The following TANC2 variants were observed in gnomAD, a reference collection of about 807,000 sequenced individuals.
The protein encoded by TANC2 is protein TANC2.
Under a neutral mutation model 210.5 loss-of-function variants are expected in TANC2, and 26 were observed. That is an observed-to-expected ratio of 0.12 (90% CI 0.09 to 0.17). TANC2 has a LOEUF of 0.17. Ranked by LOEUF, TANC2 falls within the 10% of genes least tolerant of loss-of-function variation. The probability of loss-of-function intolerance (pLI) is 1.00; values close to 1 mark genes in which losing one functional copy is unlikely to be tolerated. For missense variants in TANC2, 2,129 were observed against 2,608.9 expected (o/e 0.82, Z 4.01); for synonymous variants, 931 against 967.1 (o/e 0.96, Z 0.69).
intron 4 of TANC2, among the ~76,000 whole-genome samples, chr17:63,099,624 GT>G: frequency 6.6e-6 from 1 of 152,058 alleles, no homozygotes; most frequent in East Asian, 1.9e-4. Context: ...GAAGTTCCTG[GT>G]TTTGCCAGAA....
At position 63,412,585 on chromosome 17, in the gene TANC2, C is replaced by T; in HGVS notation, c.3899-95C>T. 1 of 1,209,506 alleles carries T rather than the reference C, an allele frequency of 8.3e-7. No individual in the cohort carries two copies. The highest frequency in any genetic ancestry group is 1.3e-5 in the South Asian group (1 of 75,440). 74.9% of individuals were successfully genotyped at this position (1,209,506 alleles called of 1,614,324 possible). A position where few individuals can be genotyped will look rare whatever the true frequency, so the allele number is the denominator to read the frequency against. On this transcript the variant is annotated intron_variant, in intron 23 of 27. Coordinates refer to ENST00000689528, the Ensembl canonical transcript of TANC2. The surrounding 1 kb of genome is among the most constrained non-coding windows in gnomAD (Gnocchi z 4.2). Reference sequence around the variant, plus strand: ...GATATGCTGGCTTTGTGCTGCCTGCCTCTCACTGCTGCTTTTTCCTTCTTT... The same window carrying T: ...GATATGCTGGCTTTGTGCTGCCTGCTTCTCACTGCTGCTTTTTCCTTCTTT...
chr17:63,063,989 A>G (rs973679039), intron 2 of TANC2, among the ~76,000 whole-genome samples: 1 of 152,236 alleles, frequency 6.6e-6, no homozygotes, highest in African/African-American at 2.4e-5. Flanking sequence ...TGAGTATGTA[A>G]TCTTCAATAT....
intron 1 of TANC2, among the ~76,000 whole-genome samples, chr17:62,981,491 CTTCT>C (rs771356107): frequency 1.2e-3 from 177 of 152,176 alleles, no homozygotes; most frequent in Admixed American, 1.7e-3. Flanking sequence ...CATTATTCTC[CTTCT>C]TTCTTCCCTG....
chr17:63,272,673 AC>A (rs1464718216), intron 9 of TANC2, among the ~76,000 whole-genome samples: 1 of 152,076 alleles, frequency 6.6e-6, no homozygotes, highest in Non-Finnish European at 1.5e-5. Flanking sequence ...TAATTCACCT[AC>A]CTGGTTAACT....
At chr17:63,105,186 A>AGG (rs1881057548) in intron 4 of TANC2, among the ~76,000 whole-genome samples, 2 of 151,804 alleles carry the variant, frequency 1.3e-5, no homozygotes, top group Admixed American at 1.3e-4. Context: ...CAAATAGATT[A>AGG]TTATCTAATC....
intron 2 of TANC2, among the ~76,000 whole-genome samples, chr17:63,062,702 A>G (rs146744535): frequency 1.3e-5 from 2 of 152,154 alleles, no homozygotes; most frequent in East Asian, 3.9e-4. Flanking sequence ...TTTCAGGTCT[A>G]TAGCTGTTTT....
exon 28 of TANC2, chr17:63,424,796 T>C (rs1241520331): frequency 2.6e-5 from 4 of 152,142 alleles, no homozygotes; most frequent in African/African-American, 4.8e-5. Context: ...CTCTTGTCTT[T>C]TAGTGTATTT....
At chr17:63,271,429 T>C (rs2043699998) in intron 9 of TANC2, among the ~76,000 whole-genome samples, 1 of 117,274 alleles carries the variant, frequency 8.5e-6, no homozygotes, top group East Asian at 2.0e-4. Context: ...GACACTGAGC[T>C]CTTTTTCTTT....
At chr17:63,289,946 C>T (rs1191414270) in intron 9 of TANC2, among the ~76,000 whole-genome samples, 1 of 152,010 alleles carries the variant, frequency 6.6e-6, no homozygotes, top group African/African-American at 2.4e-5. Context: ...TTTTCCTTCC[C>T]CCCCTTCAGT....
chr17:62,990,224 C>T (rs1204747749), intron 1 of TANC2, among the ~76,000 whole-genome samples: 1 of 152,006 alleles, frequency 6.6e-6, no homozygotes, highest in Non-Finnish European at 1.5e-5. Context: ...TTTGGTTATC[C>T]AGATGATAGA....
chr17:63,403,293 A>G (rs1040314692), intron 19 of TANC2, among the ~76,000 whole-genome samples: 17 of 152,232 alleles, frequency 1.1e-4, no homozygotes, highest in African/African-American at 3.9e-4. Context: ...CCTCACATAC[A>G]GAGGTTTGCT....
chr17:63,400,642 T>A (rs572530953), intron 19 of TANC2, among the ~76,000 whole-genome samples: 1 of 149,504 alleles, frequency 6.7e-6, no homozygotes, highest in African/African-American at 2.5e-5. Flanking sequence ...TGTAATATGA[T>A]TTTTTTTTTC....
intron 1 of TANC2, among the ~76,000 whole-genome samples, chr17:62,974,627 T>C (rs531945370): frequency 6.6e-6 from 1 of 152,344 alleles, no homozygotes; most frequent in South Asian, 2.1e-4. Context: ...AAATTTCATA[T>C]TCTTCCTTAA....
chr17:63,354,406 T>C (rs1487087151), intron 13 of TANC2, among the ~76,000 whole-genome samples: 1 of 152,216 alleles, frequency 6.6e-6, no homozygotes. Context: ...TTTGAATCTT[T>C]GTACATTTCT....
chr17:63,175,705 A>T (rs1045312092), intron 5 of TANC2, among the ~76,000 whole-genome samples: 1 of 152,206 alleles, frequency 6.6e-6, no homozygotes, highest in African/African-American at 2.4e-5. Context: ...TGTTCTTCAA[A>T]ATACAGTGTT....
intron 5 of TANC2, among the ~76,000 whole-genome samples, chr17:63,179,894 C>T (rs2040719100): frequency 6.6e-6 from 1 of 151,252 alleles, no homozygotes; most frequent in Non-Finnish European, 1.5e-5. Context: ...TGCCTATAAT[C>T]TCAGCTCTTT....
At chr17:63,198,185 CT>C (rs1382820733) in intron 6 of TANC2, among the ~76,000 whole-genome samples, 1 of 151,674 alleles carries the variant, frequency 6.6e-6, no homozygotes, top group Non-Finnish European at 1.5e-5. Flanking sequence ...CATAATAAAA[CT>C]TTTCTTCTTT....
chr17:63,062,633 C>T lies in TANC2; in HGVS notation c.68-11310C>T, dbSNP rs1463691881. ...ATTGCCAGTTTCGTGGTCTGTCATACACCCTATTGCTCCCCAGCCCCCTCC... is the reference window on the plus strand; with the variant it reads ...ATTGCCAGTTTCGTGGTCTGTCATATACCCTATTGCTCCCCAGCCCCCTCC... On this transcript the variant is annotated intron_variant, in intron 2 of 27. Transcript: ENST00000689528. 3.3e-5 allele frequency among the ~76,000 whole-genome samples: 5 copies of T among 152,130 alleles called. No individual in the cohort carries two copies. In the East Asian group the frequency reaches 5.8e-4, roughly 18 times the overall value.
At chr17:63,320,131 C>T (rs181083941) in intron 11 of TANC2, among the ~76,000 whole-genome samples, 4 of 152,246 alleles carry the variant, frequency 2.6e-5, no homozygotes, top group Non-Finnish European at 4.4e-5. Context: ...ATCACTCTGG[C>T]GCCAAGGATA....
Sources: allele counts gnomAD v4.1 joint callset (sites outside exome capture counted in the v4.1 genomes callset), GRCh38; gene constraint gnomAD v4.1.1; non-coding constraint Gnocchi (gnomAD v3.1); transcripts MANE v1.5; gene names NCBI Gene and HGNC (gene_info 2026-07-23, HGNC 2026-07-21).